The following GPC5 variants were observed in gnomAD, a reference collection of about 807,000 sequenced individuals.
GPC5 encodes glypican-5.
In GPC5, 47 loss-of-function variants were observed where a neutral mutation model predicts 53.9. The observed-to-expected ratio is 0.87, with a 90% confidence interval of 0.69 to 1.11. GPC5 has a LOEUF of 1.11. Ranked by LOEUF, GPC5 falls within the 50% of genes most tolerant of loss-of-function variation. The probability of loss-of-function intolerance (pLI) is 0.00; values close to 1 mark genes in which losing one functional copy is unlikely to be tolerated. For missense variants in GPC5, 748 were observed against 713.1 expected, an observed-to-expected ratio of 1.05 and a Z score of -0.56; for synonymous variants, 286 against 263.3, an observed-to-expected ratio of 1.09 and a Z score of -0.84.
intron 7 of GPC5, among the ~76,000 whole-genome samples, chr13:92,615,919 T>A (rs1297305663): frequency 6.6e-6 from 1 of 152,082 alleles, no homozygotes; most frequent in Admixed American, 6.5e-5. Flanking sequence ...CCGGGCATAG[T>A]GGCAGGTGCC....
chr13:91,862,154 T>G (rs79623082), intron 5 of GPC5, among the ~76,000 whole-genome samples: 1 of 152,202 alleles, frequency 6.6e-6, no homozygotes, highest in Non-Finnish European at 1.5e-5. Context: ...GCGTTTTGAT[T>G]TGATGTTATT....
chr13:91,817,890 G>C (rs1177340042), intron 5 of GPC5, among the ~76,000 whole-genome samples: 3 of 152,010 alleles, frequency 2.0e-5, no homozygotes, highest in Admixed American at 1.3e-4. Flanking sequence ...TATGTAAACT[G>C]TTCATGTATT....
chr13:91,999,602 T>C (rs1045904203), intron 6 of GPC5, among the ~76,000 whole-genome samples: 3 of 152,170 alleles, frequency 2.0e-5, no homozygotes, highest in African/African-American at 7.2e-5. Flanking sequence ...GCAAAATGAA[T>C]ACTCAAACAA....
chr13:92,124,269 A>C (rs1051804466), intron 6 of GPC5, among the ~76,000 whole-genome samples: 2 of 151,098 alleles, frequency 1.3e-5, no homozygotes, highest in Non-Finnish European at 1.5e-5. Flanking sequence ...AAAAAAAAAA[A>C]AAAACTAGTT....
At chr13:91,519,409 C>A (rs1885682918) in intron 2 of GPC5, among the ~76,000 whole-genome samples, 2 of 152,140 alleles carry the variant, frequency 1.3e-5, no homozygotes, top group South Asian at 4.2e-4. Flanking sequence ...GGAGCAAGGG[C>A]CCCTTGGGAG....
chr13:91,651,492 T>A (rs2034708904), intron 2 of GPC5, among the ~76,000 whole-genome samples: 1 of 152,090 alleles, frequency 6.6e-6, no homozygotes, highest in Admixed American at 6.6e-5. Flanking sequence ...GGCCAAGGCA[T>A]GTGGATCACC....
intron 7 of GPC5, among the ~76,000 whole-genome samples, chr13:92,839,744 G>T (rs912294060): frequency 2.6e-5 from 4 of 152,020 alleles, no homozygotes; most frequent in African/African-American, 9.7e-5. Context: ...TAGACTGCTA[G>T]CTAGACTAAT....
chr13:91,598,074 A>G lies in GPC5; in HGVS notation c.326-95113A>G, dbSNP rs145793210. Reference sequence around the variant, plus strand: ...TCGAGTCTATCTTCTTTAAAACTCTACAAGTTTACATTTCTGAACTATTTT... The same window carrying G: ...TCGAGTCTATCTTCTTTAAAACTCTGCAAGTTTACATTTCTGAACTATTTT... On this transcript the variant is annotated intron_variant, in intron 2 of 7. Coordinates refer to ENST00000377067, the MANE Select transcript of GPC5 (RefSeq NM_004466.6). Among the ~76,000 whole-genome samples, 590 of 152,270 alleles carry G rather than the reference A, an allele frequency of 3.9e-3. 14 individuals are homozygous for G. The highest frequency in any genetic ancestry group is 6.8e-4 in the Non-Finnish European group (46 of 68,008).
At chr13:92,249,779 T>A (rs2042679446) in intron 7 of GPC5, among the ~76,000 whole-genome samples, 1 of 152,012 alleles carries the variant, frequency 6.6e-6, no homozygotes, top group Non-Finnish European at 1.5e-5. Context: ...TTCCGTTTTG[T>A]CAACATCTTA....
chr13:92,487,857 A>T (rs1027013873), intron 7 of GPC5, among the ~76,000 whole-genome samples: 1 of 150,448 alleles, frequency 6.6e-6, no homozygotes, highest in Admixed American at 6.6e-5. Flanking sequence ...AAAAAAAAAA[A>T]AAAGAAAGTA....
At chr13:91,967,066 C>T (rs1290337216) in intron 6 of GPC5, among the ~76,000 whole-genome samples, 1 of 152,180 alleles carries the variant, frequency 6.6e-6, no homozygotes, top group East Asian at 1.9e-4. Flanking sequence ...GTTTAATGGA[C>T]TCACAGTTCT....
chr13:91,739,359 A>C (rs781534895), intron 4 of GPC5, among the ~76,000 whole-genome samples: 3 of 151,418 alleles, frequency 2.0e-5, no homozygotes, highest in African/African-American at 7.4e-5. Flanking sequence ...GCCTTCAACA[A>C]ATAGGAGCCA....
intron 2 of GPC5, among the ~76,000 whole-genome samples, chr13:91,480,256 C>A (rs1883226857): frequency 6.6e-6 from 1 of 152,152 alleles, no homozygotes; most frequent in Admixed American, 6.5e-5. Context: ...ACAGATAGCT[C>A]CGCTATGGAC....
intron 7 of GPC5, among the ~76,000 whole-genome samples, chr13:92,452,823 C>A (rs540127105): frequency 6.6e-6 from 1 of 152,166 alleles, no homozygotes; most frequent in Non-Finnish European, 1.5e-5. Flanking sequence ...CCTGCCTCGG[C>A]CTCCCAAAGT....
intron 7 of GPC5, among the ~76,000 whole-genome samples, chr13:92,341,307 T>A (rs1362334985): frequency 6.6e-6 from 1 of 152,134 alleles, no homozygotes. Flanking sequence ...TAGTCACTAG[T>A]TCCATCTATA....
chr13:91,444,444 G>A (rs1594098967), intron 1 of GPC5, among the ~76,000 whole-genome samples: 1 of 151,800 alleles, frequency 6.6e-6, no homozygotes, highest in Non-Finnish European at 1.5e-5. Flanking sequence ...TCTGAGTATC[G>A]ACCTCAATAT....
intron 2 of GPC5, among the ~76,000 whole-genome samples, chr13:91,543,205 C>T (rs2030064186): frequency 6.6e-6 from 1 of 151,904 alleles, no homozygotes; most frequent in Non-Finnish European, 1.5e-5. Context: ...GTTGGTCAGA[C>T]TGGTCTCGAA....
intron 7 of GPC5, among the ~76,000 whole-genome samples, chr13:92,794,230 T>C (rs1173598965): frequency 1.3e-5 from 2 of 152,154 alleles, no homozygotes; most frequent in Non-Finnish European, 2.9e-5. Flanking sequence ...TGGTTCGACA[T>C]ACGTGAATCA....
chr13:92,395,914 T>A (rs1033495930), intron 7 of GPC5, among the ~76,000 whole-genome samples: 2 of 151,868 alleles, frequency 1.3e-5, no homozygotes, highest in South Asian at 4.1e-4. Flanking sequence ...TCTGTTTTTT[T>A]TTTTTTTGTA....
Sources: gnomAD v4.1 joint callset for allele counts (sites outside exome capture counted in the v4.1 genomes callset) on GRCh38, gnomAD v4.1.1 for gene constraint, MANE v1.5 for transcripts, NCBI Gene and HGNC (gene_info 2026-07-23, HGNC 2026-07-21) for gene names.